Variants in FER observed in about 807,000 individuals in gnomAD.
The protein encoded by FER is FER tyrosine kinase, also known as tyrosine-protein kinase Fer.
Under a neutral mutation model 111.0 loss-of-function variants are expected in FER, and 63 were observed. That is an observed-to-expected ratio of 0.57 (90% CI 0.46 to 0.70). The LOEUF (loss-of-function observed/expected upper bound fraction) is 0.70, where lower values mean the gene tolerates loss of function less well. FER is among the 30% of genes least tolerant of loss of function. FER has a pLI of 0.00. For synonymous variants in FER, 327 were observed against 313.9 expected, an observed-to-expected ratio of 1.04 and a Z score of -0.44; for missense variants, 914 against 954.0, an observed-to-expected ratio of 0.96 and a Z score of 0.55.
At chr5:108,939,594 G>C (rs1180868557) in intron 10 of FER, among the ~76,000 whole-genome samples, 1 of 152,084 alleles carries the variant, frequency 6.6e-6, no homozygotes, top group African/African-American at 2.4e-5. Context: ...CAGAGAGGCT[G>C]AGGATGGGAC....
Position 108,835,192 on chromosome 5 carries a change from C to CA in FER, c.382-516_382-515insA, listed in dbSNP as rs1236413870. Among the ~76,000 whole-genome samples the CA allele has an allele frequency of 1.9e-3, 232 of 121,622 alleles. 41 individuals are homozygous for CA. In the Middle Eastern group the frequency reaches 0.028, roughly 15 times the overall value. 79.8% of individuals were successfully genotyped at this position (121,622 alleles called of 152,430 possible). A position where few individuals can be genotyped will look rare whatever the true frequency, so the allele number is the denominator to read the frequency against. On this transcript the variant is annotated intron_variant, in intron 4 of 19. Transcript: ENST00000281092. ...ATTTCTTCGTTTGCGCCACCCCCCC[C>CA]CCCCCACTTTTTTTTTGAGTCAAGT...
intron 17 of FER, among the ~76,000 whole-genome samples, chr5:109,117,964 T>C (rs1050750233): frequency 6.6e-6 from 1 of 152,008 alleles, no homozygotes; most frequent in Admixed American, 6.6e-5. Flanking sequence ...ATAGGGACAA[T>C]TTGACTTCCT....
chr5:108,828,392 C>T (rs1198700765), intron 3 of FER, among the ~76,000 whole-genome samples: 1 of 152,140 alleles, frequency 6.6e-6, no homozygotes, highest in African/African-American at 2.4e-5. Context: ...TATCTTCTGA[C>T]TCTTCTATTT....
At position 109,190,154 on chromosome 5, in the gene FER, G is replaced by A. The variant is rs1759275735; in HGVS notation, c.*2579G>A. ...TTCTGTCACTGATAATTAATTATTG[G>A]AATTATATACTTTAGGAGGCTAATC... On this transcript the variant is annotated 3_prime_UTR_variant, in exon 20 of 20. Transcript: ENST00000281092. The A allele has an allele frequency of 1.3e-5, 2 of 152,042 alleles. No homozygotes were observed. The highest frequency in any genetic ancestry group is 2.4e-5 in the African/African-American group (1 of 41,392). 9.4% of individuals were successfully genotyped at this position (152,042 alleles called of 1,614,324 possible).
At chr5:108,882,431 G>T (rs1390915922) in intron 8 of FER, among the ~76,000 whole-genome samples, 4 of 151,550 alleles carry the variant, frequency 2.6e-5, no homozygotes, top group Non-Finnish European at 5.9e-5. Flanking sequence ...TTTTTTCATG[G>T]TGAACTTCCG....
At chr5:109,141,386 T>G (rs545729093) in intron 17 of FER, among the ~76,000 whole-genome samples, 113 of 152,280 alleles carry the variant, frequency 7.4e-4, no homozygotes, top group Non-Finnish European at 1.6e-4. Context: ...TGATTGGTGG[T>G]TCACTAAACT....
chr5:108,932,483 C>T (rs544383713), intron 10 of FER, among the ~76,000 whole-genome samples: 18 of 152,290 alleles, frequency 1.2e-4, no homozygotes, highest in African/African-American at 4.1e-4. Flanking sequence ...AGTAAACATA[C>T]ATTTGCATGT....
At chr5:109,084,551 C>T (rs1283651466) in intron 16 of FER, among the ~76,000 whole-genome samples, 1 of 151,726 alleles carries the variant, frequency 6.6e-6, no homozygotes, top group Non-Finnish European at 1.5e-5. Context: ...TTTACTTATA[C>T]TTATTTGTGT....
At chr5:109,157,384 T>C (rs534723244) in intron 17 of FER, among the ~76,000 whole-genome samples, 125 of 152,260 alleles carry the variant, frequency 8.2e-4, no homozygotes, top group Middle Eastern at 3.4e-3. Flanking sequence ...TCCACTGTTC[T>C]AAATTCTACT....
At chr5:109,077,608 A>G (rs778251772) in intron 16 of FER, among the ~76,000 whole-genome samples, 35 of 152,156 alleles carry the variant, frequency 2.3e-4, no homozygotes, top group Non-Finnish European at 4.4e-4. Context: ...AAACTCTGTC[A>G]TTAAACCTAA....
At chr5:109,164,499 T>C (rs1344495715) in intron 17 of FER, among the ~76,000 whole-genome samples, 3 of 152,230 alleles carry the variant, frequency 2.0e-5, no homozygotes, top group Non-Finnish European at 2.9e-5. Context: ...ACATGTTTTA[T>C]ACATTGCTCC....
At chr5:109,003,662 A>G (rs1358256055) in intron 13 of FER, among the ~76,000 whole-genome samples, 4 of 151,902 alleles carry the variant, frequency 2.6e-5, no homozygotes, top group South Asian at 2.1e-4. Context: ...TATCCCAAGC[A>G]TTCAAAAATT....
chr5:108,748,420 G>A lies in FER; in HGVS notation c.-206+420G>A, dbSNP rs148231510. On this transcript the variant is annotated intron_variant, in intron 1 of 19. Transcript: ENST00000281092. ...ATTCCTTTCCGGCTGCCGACCCGCC[G>A]AGTAGTCCCTTCCAGGCGGCCTCAG... 879 of 152,428 alleles carry A rather than the reference G, an allele frequency of 5.8e-3. 6 individuals carry two copies. The highest frequency in any genetic ancestry group is 0.011 in the Admixed American group (161 of 15,306). The allele number at this position is 152,428 out of a possible 1,614,324, so 9.4% of individuals were successfully genotyped here.
intron 16 of FER, among the ~76,000 whole-genome samples, chr5:109,058,345 G>A (rs1370825504): frequency 5.9e-5 from 9 of 152,036 alleles, no homozygotes; most frequent in Non-Finnish European, 1.0e-4. Context: ...ATTGTACTGG[G>A]TGTTCTAGTT....
chr5:108,924,848 G>A (rs1201793524), intron 10 of FER: 2 of 1,171,292 alleles, frequency 1.7e-6, no homozygotes, highest in Non-Finnish European at 2.1e-6. Context: ...TTATCTAAGA[G>A]TCCAGCAGGT....
chr5:109,138,045 T>G (rs1582205068), intron 17 of FER, among the ~76,000 whole-genome samples: 1 of 152,194 alleles, frequency 6.6e-6, no homozygotes, highest in Middle Eastern at 3.4e-3. Context: ...CTGAAGTCTT[T>G]CTGTCATATC....
At chr5:109,124,887 A>G (rs1183978281) in intron 17 of FER, among the ~76,000 whole-genome samples, 1 of 152,052 alleles carries the variant, frequency 6.6e-6, no homozygotes, top group African/African-American at 2.4e-5. Flanking sequence ...TCCACTAAAA[A>G]TACAAAAAAT....
intron 16 of FER, among the ~76,000 whole-genome samples, chr5:109,093,753 C>T (rs1747122471): frequency 6.6e-6 from 1 of 152,054 alleles, no homozygotes; most frequent in Admixed American, 6.6e-5. Context: ...TTGATGCCTT[C>T]TTTTTTTCTC....
intron 8 of FER, among the ~76,000 whole-genome samples, chr5:108,880,265 G>A (rs1189710064): frequency 6.6e-6 from 1 of 152,122 alleles, no homozygotes; most frequent in Admixed American, 6.6e-5. Flanking sequence ...AGCAGCAAAG[G>A]ATAGAACAGA....
Sources: allele counts gnomAD v4.1 joint callset (sites outside exome capture counted in the v4.1 genomes callset), GRCh38; gene constraint gnomAD v4.1.1; transcripts MANE v1.5; gene names NCBI Gene and HGNC (gene_info 2026-07-23, HGNC 2026-07-21).